The following DIAPH3 variants were observed in gnomAD, a reference collection of about 807,000 sequenced individuals.
DIAPH3 encodes the protein protein diaphanous homolog 3.
DIAPH3 carries 117 observed loss-of-function variants against 144.3 expected under a neutral mutation model. That is an observed-to-expected ratio of 0.81 (90% CI 0.70 to 0.95). The LOEUF is 0.95. Ranked by LOEUF, DIAPH3 falls within the 40% of genes least tolerant of loss-of-function variation. The pLI, the probability that DIAPH3 is intolerant of heterozygous loss-of-function variation, is 0.00. For synonymous variants in DIAPH3, 519 were observed against 488.9 expected (o/e 1.06, Z -0.81); for missense variants, 1,421 against 1,412.7 (o/e 1.01, Z -0.09).
chr13:60,038,072 A>G (rs1244956293), intron 5 of DIAPH3, among the ~76,000 whole-genome samples: 1 of 151,976 alleles, frequency 6.6e-6, no homozygotes, highest in African/African-American at 2.4e-5. Context: ...ATAGAAAGGA[A>G]TGATAAACCC....
intron 4 of DIAPH3, among the ~76,000 whole-genome samples, chr13:60,090,255 C>T (rs2057887390): frequency 6.6e-6 from 1 of 152,154 alleles, no homozygotes; most frequent in Non-Finnish European, 1.5e-5. Context: ...CTAAATACGA[C>T]ACTTCCTTAA....
chr13:59,939,119 T>C (rs1277842299), intron 17 of DIAPH3, among the ~76,000 whole-genome samples: 2 of 152,182 alleles, frequency 1.3e-5, no homozygotes, highest in Non-Finnish European at 2.9e-5. Context: ...TCTAAGTGGC[T>C]GTAAAATTAA....
chr13:59,760,292 C>A (rs1201975034), intron 27 of DIAPH3, among the ~76,000 whole-genome samples: 2 of 152,342 alleles, frequency 1.3e-5, no homozygotes, highest in East Asian at 1.9e-4. Context: ...ATGAAATATG[C>A]TTTCCATCCA....
chr13:59,911,624 T>C (rs978651956), intron 20 of DIAPH3, 111 bp downstream of exon 20: 21 of 798,804 alleles, frequency 2.6e-5, no homozygotes, highest in Non-Finnish European at 4.1e-5. Context: ...AGATGGATAT[T>C]AAATGTATGT....
At chr13:59,899,164 C>G (rs544042423) in intron 20 of DIAPH3, among the ~76,000 whole-genome samples, 1 of 152,090 alleles carries the variant, frequency 6.6e-6, no homozygotes, top group Non-Finnish European at 1.5e-5. Flanking sequence ...TCCCTACTTT[C>G]GAGGCTTTGG....
At chr13:60,066,210 G>C (rs1312692977) in intron 4 of DIAPH3, among the ~76,000 whole-genome samples, 3 of 151,816 alleles carry the variant, frequency 2.0e-5, no homozygotes, top group African/African-American at 4.8e-5. Context: ...ATTCACACTT[G>C]CATTAATGGA....
At chr13:60,065,655 C>G (rs899558452) in intron 4 of DIAPH3, among the ~76,000 whole-genome samples, 2 of 152,184 alleles carry the variant, frequency 1.3e-5, no homozygotes, top group Non-Finnish European at 2.9e-5. Flanking sequence ...CATGTCAACT[C>G]ATCAACAAAT....
chr13:59,942,719 G>A (rs1031326153), intron 17 of DIAPH3, among the ~76,000 whole-genome samples: 3 of 152,002 alleles, frequency 2.0e-5, no homozygotes, highest in African/African-American at 7.2e-5. Flanking sequence ...AAACAAAAAA[G>A]ATGTATACAC....
intron 27 of DIAPH3, among the ~76,000 whole-genome samples, chr13:59,738,663 T>C (rs1471292280): frequency 2.0e-5 from 3 of 152,066 alleles, no homozygotes; most frequent in South Asian, 2.1e-4. Flanking sequence ...ATCCCACTAA[T>C]CCATGAAGGT....
rs763073477 is a variant in DIAPH3 at position 59,666,677 on chromosome 13, G to T, written c.3489C>A (p.Asn1163Lys). Residue 1163 changes from asparagine to lysine, a missense_variant, in exon 28 of 28, where the codon AAC becomes AAA. By Grantham distance (94) the Asn-to-Lys change is moderately conservative. Transcript: ENST00000400324. The part of the protein sequence containing the change: ...EKKEACNVES[N>K]RKKETELLGS... ...CAAGAAGTTCCGTTTCCTTTTTTCT[G>T]TTGCTTTCTACATTACACGCTTCCT... 6.2e-7 allele frequency: 1 copy of T among 1,614,016 alleles called. No individual in the cohort carries two copies. The highest frequency in any genetic ancestry group is 8.5e-7 in the Non-Finnish European group (1 of 1,179,982).
intron 19 of DIAPH3, 46 bp from the exon 20 acceptor site, chr13:59,911,882 T>C (rs1394997834): frequency 3.8e-6 from 5 of 1,333,168 alleles, no homozygotes; most frequent in South Asian, 3.6e-5. Context: ...AATGTACTTC[T>C]TGAATTTTAA....
At chr13:59,889,875 T>G (rs1053749479) in intron 20 of DIAPH3, among the ~76,000 whole-genome samples, 1 of 152,120 alleles carries the variant, frequency 6.6e-6, no homozygotes, top group African/African-American at 2.4e-5. Context: ...AAACTCAATC[T>G]CCAACCTGTT....
In DIAPH3 at chr13:59,925,010, T is replaced by C. The variant is rs189088586; in HGVS notation, c.2075-140A>G. On this transcript the variant is annotated intron_variant, in intron 17 of 27. Coordinates refer to ENST00000400324, the MANE Select transcript of DIAPH3 (RefSeq NM_001042517.2). ...AAAGTTATAAAAACAAATAAAACGA[T>C]AGATATCCCAAGACCTGAACTGTTG... The C allele has an allele frequency of 2.1e-4, 288 of 1,402,270 alleles. 2 individuals are homozygous for C. The African/African-American group carries it at 3.6e-3, about 18-fold the overall frequency. The allele number at this position is 1,402,270 out of a possible 1,614,324, so 86.9% of individuals were successfully genotyped here. A position where few individuals can be genotyped will look rare whatever the true frequency, so the allele number is the denominator to read the frequency against.
intron 1 of DIAPH3, among the ~76,000 whole-genome samples, chr13:60,134,330 T>A (rs1254349416): frequency 6.6e-6 from 1 of 152,238 alleles, no homozygotes; most frequent in Admixed American, 6.5e-5. Context: ...TAGAATTTGC[T>A]TTTTTATCAA....
At chr13:59,938,615 A>C (rs1594059088) in intron 17 of DIAPH3, among the ~76,000 whole-genome samples, 1 of 152,068 alleles carries the variant, frequency 6.6e-6, no homozygotes, top group Non-Finnish European at 1.5e-5. Context: ...TTTGGAAAAA[A>C]AAAAAAAATT....
chr13:59,667,986 T>G (rs796476153), intron 27 of DIAPH3, among the ~76,000 whole-genome samples: 1 of 152,298 alleles, frequency 6.6e-6, no homozygotes, highest in Non-Finnish European at 1.5e-5. Flanking sequence ...AGGCTTCCAG[T>G]GATGGATGAG....
At chr13:59,886,133 C>T (rs745364712) in intron 20 of DIAPH3, among the ~76,000 whole-genome samples, 1 of 152,046 alleles carries the variant, frequency 6.6e-6, no homozygotes, top group Non-Finnish European at 1.5e-5. Flanking sequence ...ATTCCTTTTA[C>T]CAACTTATGT....
chr13:60,102,442 A>C (rs1222796335), intron 3 of DIAPH3, among the ~76,000 whole-genome samples: 1 of 151,574 alleles, frequency 6.6e-6, no homozygotes, highest in Non-Finnish European at 1.5e-5. Context: ...AATATTTGCT[A>C]AATAAAGAAG....
chr13:59,927,698 G>A (rs574907342), intron 17 of DIAPH3, among the ~76,000 whole-genome samples: 1 of 152,130 alleles, frequency 6.6e-6, no homozygotes, highest in South Asian at 2.1e-4. Context: ...CATTTTGTAG[G>A]TATCATCCAA....
Sources: gnomAD v4.1 joint callset for allele counts (sites outside exome capture counted in the v4.1 genomes callset) on GRCh38, gnomAD v4.1.1 for gene constraint, MANE v1.5 for transcripts, NCBI Gene and HGNC (gene_info 2026-07-23, HGNC 2026-07-21) for gene names.